TBCE: variants seen among roughly 807,000 people sequenced by gnomAD.
The protein encoded by TBCE is tubulin-specific chaperone E.
In TBCE, 53 loss-of-function variants were observed where a neutral mutation model predicts 77.0. That is an observed-to-expected ratio of 0.69 (90% CI 0.55 to 0.87). The LOEUF (loss-of-function observed/expected upper bound fraction) is 0.87. TBCE is among the 40% of genes least tolerant of loss of function. The pLI is 0.00. For missense variants in TBCE, 624 were observed against 622.4 expected (o/e 1.00, Z -0.03); for synonymous variants, 235 against 241.3 (o/e 0.97, Z 0.24).
intron 1 of TBCE, among the ~76,000 whole-genome samples, chr1:235,377,302 G>A (rs1160464047): frequency 6.6e-6 from 1 of 151,964 alleles, no homozygotes; most frequent in African/African-American, 2.4e-5. Flanking sequence ...GCCTCAGATG[G>A]CCAAGTAGCT....
intron 12 of TBCE, among the ~76,000 whole-genome samples, chr1:235,438,328 A>G (rs375891097): frequency 6.6e-6 from 1 of 152,186 alleles, no homozygotes; most frequent in African/African-American, 2.4e-5. Flanking sequence ...TTGGCAGATC[A>G]TGAGGTCAGG....
At chr1:235,397,409 G>A (rs1024127601) in intron 2 of TBCE, among the ~76,000 whole-genome samples, 4 of 152,126 alleles carry the variant, frequency 2.6e-5, no homozygotes, top group African/African-American at 9.7e-5. Flanking sequence ...TCACCGTGGT[G>A]CTAGCCAGGA....
At chr1:235,388,805 G>C (rs1284494495) in intron 2 of TBCE, among the ~76,000 whole-genome samples, 1 of 152,220 alleles carries the variant, frequency 6.6e-6, no homozygotes, top group Non-Finnish European at 1.5e-5. Flanking sequence ...GAAGAGGAAA[G>C]AGAGTAAGCA....
intron 15 of TBCE, 34 bp downstream of exon 15, chr1:235,442,945 C>G: frequency 6.2e-7 from 1 of 1,610,100 alleles, no homozygotes; most frequent in Non-Finnish European, 8.5e-7. Flanking sequence ...TCCTTAAACT[C>G]TGAATCATCG....
intron 3 of TBCE, among the ~76,000 whole-genome samples, chr1:235,411,444 G>C (rs1679778235): frequency 6.6e-6 from 1 of 151,536 alleles, no homozygotes; most frequent in Non-Finnish European, 1.5e-5. Flanking sequence ...TGGGGGGCGG[G>C]TCCCCTCAGT....
chr1:235,419,388 A>G, intron 4 of TBCE, 85 bp from the exon 5 acceptor site: 3 of 1,593,524 alleles, frequency 1.9e-6, no homozygotes, highest in Non-Finnish European at 2.6e-6. Context: ...ACCCTTTTAT[A>G]TGTCTGAAAT....
intron 8 of TBCE, among the ~76,000 whole-genome samples, chr1:235,435,147 C>G (rs527404673): frequency 2.0e-5 from 3 of 151,796 alleles, no homozygotes; most frequent in African/African-American, 7.3e-5. Context: ...GTCACCCAGG[C>G]TAGAGTGCAA....
At chr1:235,394,418 C>CTT (rs386370043) in intron 2 of TBCE, among the ~76,000 whole-genome samples, 30,309 of 72,136 alleles carry the variant, frequency 0.42, 8,012 homozygotes, top group East Asian at 0.58. Flanking sequence ...TTGATAATTT[C>CTT]TTTTTTTTTT....
Position 235,401,557 on chromosome 1 carries a change from G to A in TBCE, c.155G>A (p.Ser52Asn), listed in dbSNP as rs2102857663. The A allele has an allele frequency of 6.2e-7, 1 of 1,613,846 alleles. No individual in the cohort carries two copies. Among genetic ancestry groups the A allele is most frequent in the Non-Finnish European group, 8.5e-7 (1 of 1,179,848 alleles). The change falls in exon 3 of 17, where the codon AGC (serine) becomes AAC (asparagine). Residue 52 changes from serine to asparagine, a missense_variant. Physicochemically the swap from Ser to Asn is conservative, Grantham distance 46. Coordinates refer to ENST00000642610, the MANE Select transcript of TBCE (RefSeq NM_003193.5). ...DNPERGKHDGSHEGTVYFKCR... is the reference protein window; with the variant it reads ...DNPERGKHDGNHEGTVYFKCR... The stretch of plus-strand genomic sequence containing the variant: ...CCCGAGAGAGGAAAGCATGATGGGA[G>A]CCACGAAGGGACTGTGTATTTTAAA...
At chr1:235,398,044 A>C (rs1277745590) in intron 2 of TBCE, among the ~76,000 whole-genome samples, 1 of 152,124 alleles carries the variant, frequency 6.6e-6, no homozygotes, top group Non-Finnish European at 1.5e-5. Flanking sequence ...TGTGCTTTGC[A>C]GTGTGAGAGA....
At chr1:235,435,665 A>G in intron 8 of TBCE, 80 bp from the exon 9 acceptor site, 1 of 1,382,784 alleles carries the variant, frequency 7.2e-7, no homozygotes, top group Admixed American at 1.7e-5. Context: ...CATCGCACCA[A>G]ATGCAGGGAT....
rs142036875 is a variant in TBCE at position 235,450,114 on chromosome 1, C to T, written c.*1352C>T. The T allele has an allele frequency of 5.6e-4, 828 of 1,469,068 alleles. 6 individuals are homozygous for T. The African/African-American group carries it at 0.011, about 19-fold the overall frequency. 91.0% of individuals were successfully genotyped at this position (1,469,068 alleles called of 1,614,324 possible). A position where few individuals can be genotyped will look rare whatever the true frequency, so the allele number is the denominator to read the frequency against. On this transcript the variant is annotated 3_prime_UTR_variant, in exon 17 of 17. Coordinates refer to ENST00000642610, the MANE Select transcript of TBCE (RefSeq NM_003193.5). ...TCTGGAACTCTCTTGAAAGACCATA[C>T]AGTCTACTGCTAAACCCTGGGACTC...
In TBCE at chr1:235,404,960, CTT is replaced by C. The variant is rs71174427; in HGVS notation, c.185+3391_185+3392del. Among the ~76,000 whole-genome samples the C allele has an allele frequency of 2.0e-3, 254 of 125,922 alleles. 1 individual carries two copies. The highest frequency in any genetic ancestry group is 6.2e-3 in the African/African-American group (207 of 33,140). 82.6% of individuals were successfully genotyped at this position (125,922 alleles called of 152,430 possible). On this transcript the variant is annotated intron_variant, in intron 3 of 16. Coordinates refer to ENST00000642610, the MANE Select transcript of TBCE (RefSeq NM_003193.5). ...TAGGCGTGAGCCACCATGCCCGGTA[CTT>C]TTTTTTTTTTTTTTTTTGGAGACAG...
chr1:235,392,722 T>C (rs541289427), intron 2 of TBCE, among the ~76,000 whole-genome samples: 1 of 152,194 alleles, frequency 6.6e-6, no homozygotes, highest in South Asian at 2.1e-4. Flanking sequence ...AGAATTGTTT[T>C]AAATCAGTAA....
intron 15 of TBCE, among the ~76,000 whole-genome samples, chr1:235,446,906 A>G (rs1395729020): frequency 6.6e-6 from 1 of 152,078 alleles, no homozygotes; most frequent in Non-Finnish European, 1.5e-5. Context: ...CTGGTCTCAA[A>G]TTCCTGGGCT....
At chr1:235,432,321 A>G (rs1425740869) in intron 7 of TBCE, among the ~76,000 whole-genome samples, 1 of 152,146 alleles carries the variant, frequency 6.6e-6, no homozygotes, top group African/African-American at 2.4e-5. Context: ...GTAGAAATAC[A>G]TTCCCAGCCA....
chr1:235,407,141 T>TG (rs1290045570), intron 3 of TBCE, among the ~76,000 whole-genome samples: 1 of 151,664 alleles, frequency 6.6e-6, no homozygotes, highest in Non-Finnish European at 1.5e-5. Context: ...CGCCTTTTTT[T>TG]TTTTTTTTTG....
intron 1 of TBCE, among the ~76,000 whole-genome samples, chr1:235,370,335 C>T (rs1487879809): frequency 6.6e-6 from 1 of 150,594 alleles, no homozygotes; most frequent in Non-Finnish European, 1.5e-5. Flanking sequence ...CTCACTGCAA[C>T]CTCTGCCTCC....
intron 1 of TBCE, 47 bp from the exon 2 acceptor site, chr1:235,379,972 A>T: frequency 3.3e-6 from 4 of 1,205,350 alleles, no homozygotes; most frequent in South Asian, 1.3e-5. Context: ...AAATTCCTTT[A>T]AAGGAATTGT....
Sources: allele counts gnomAD v4.1 joint callset (sites outside exome capture counted in the v4.1 genomes callset), GRCh38; gene constraint gnomAD v4.1.1; transcripts MANE v1.5; gene names NCBI Gene and HGNC (gene_info 2026-07-23, HGNC 2026-07-21).